KAT2B: variants seen among roughly 807,000 people sequenced by gnomAD.
KAT2B encodes lysine acetyltransferase 2B.
In KAT2B, 36 loss-of-function variants were observed where a neutral mutation model predicts 105.9. The observed-to-expected ratio is 0.34, with a 90% confidence interval of 0.26 to 0.45. The LOEUF (loss-of-function observed/expected upper bound fraction) is 0.45. Ranked by LOEUF, KAT2B falls within the 20% of genes least tolerant of loss-of-function variation. The pLI is 1.00. For synonymous variants in KAT2B, 397 were observed against 377.9 expected, an observed-to-expected ratio of 1.05 and a Z score of -0.59; for missense variants, 820 against 1,021.6, an observed-to-expected ratio of 0.80 and a Z score of 2.69.
chr3:20,051,694 G>GCAAAGATTACTCTACAGCTCCA (rs1697918744), intron 1 of KAT2B, among the ~76,000 whole-genome samples: 1 of 152,186 alleles, frequency 6.6e-6, no homozygotes, highest in Admixed American at 6.5e-5. Flanking sequence ...ACAGTGAGAA[G>GCAAAGATTACTCTACAGCTCCA]CAAAGATTAC....
intron 6 of KAT2B, among the ~76,000 whole-genome samples, chr3:20,113,937 G>A (rs567369235): frequency 3.2e-5 from 3 of 93,056 alleles, no homozygotes; most frequent in South Asian, 8.3e-4. Flanking sequence ...TTGGTTCAGG[G>A]AAAAAATGAA....
At chr3:20,048,734 C>T (rs1410579134) in intron 1 of KAT2B, among the ~76,000 whole-genome samples, 1 of 152,226 alleles carries the variant, frequency 6.6e-6, no homozygotes, top group Non-Finnish European at 1.5e-5. Context: ...GTTTCCTACT[C>T]TTGCATGCTG....
chr3:20,145,198 A>G (rs1699764079), intron 13 of KAT2B, among the ~76,000 whole-genome samples: 1 of 152,236 alleles, frequency 6.6e-6, no homozygotes, highest in South Asian at 2.1e-4. Context: ...ATAATGGGTT[A>G]AATGAAATAC....
chr3:20,050,291 TA>T (rs1436432306), intron 1 of KAT2B, among the ~76,000 whole-genome samples: 1 of 151,966 alleles, frequency 6.6e-6, no homozygotes, highest in Non-Finnish European at 1.5e-5. Flanking sequence ...AAGGAGTCAT[TA>T]AAAAAAACTT....
chr3:20,131,931 G>A (rs574312292), intron 11 of KAT2B, among the ~76,000 whole-genome samples: 1 of 152,302 alleles, frequency 6.6e-6, no homozygotes, highest in African/African-American at 2.4e-5. Flanking sequence ...TTTAAAATCT[G>A]TATATGGTCA....
intron 1 of KAT2B, among the ~76,000 whole-genome samples, chr3:20,052,739 G>C (rs1404464573): frequency 6.6e-6 from 1 of 152,032 alleles, no homozygotes; most frequent in Middle Eastern, 3.2e-3. Context: ...AGGCTGAGGT[G>C]GTCACATCAC....
chr3:20,126,011 C>G lies in KAT2B; in HGVS notation c.1520C>G (p.Pro507Arg), dbSNP rs1699396752. The G allele has an allele frequency of 6.2e-7, 1 of 1,613,952 alleles. No individual in the cohort carries two copies. The highest frequency in any genetic ancestry group is 1.1e-5 in the South Asian group (1 of 91,080). Residue 507 changes from proline (P) to arginine (R), a missense_variant, in exon 10 of 18, where the codon CCA becomes CGA. By Grantham distance (103) the Pro-to-Arg change is moderately radical. Transcript: ENST00000263754. ...HVVGNSLNQK[P>R]NKKILMWLVG... Reference sequence around the variant, plus strand: ...GTTGGCAATTCCCTCAACCAGAAACCAAACAAGAAGATCCTGATGTGGCTG... The same window carrying G: ...GTTGGCAATTCCCTCAACCAGAAACGAAACAAGAAGATCCTGATGTGGCTG...
At chr3:20,117,782 G>C (rs79050286) in intron 7 of KAT2B, among the ~76,000 whole-genome samples, 2,105 of 152,258 alleles carry the variant, frequency 0.014, 44 homozygotes, top group African/African-American at 0.047. Context: ...TATTGAGAAT[G>C]TCTGTACCCC....
chr3:20,052,801 C>G (rs1254349577), intron 1 of KAT2B, among the ~76,000 whole-genome samples: 1 of 152,030 alleles, frequency 6.6e-6, no homozygotes, highest in Non-Finnish European at 1.5e-5. Context: ...AACCCCATGT[C>G]TACTAAAAAA....
chr3:20,042,037 G>A (rs1471822074), intron 1 of KAT2B, among the ~76,000 whole-genome samples: 2 of 152,134 alleles, frequency 1.3e-5, no homozygotes, highest in Non-Finnish European at 1.5e-5. Context: ...AGTGAATGTA[G>A]GATCTAGCCC....
chr3:20,127,322 G>C, intron 10 of KAT2B, 101 bp from the exon 11 acceptor site: 1 of 1,034,074 alleles, frequency 9.7e-7, no homozygotes, highest in Non-Finnish European at 1.5e-6. Context: ...TAGAAACTTA[G>C]GACATGTCCC....
intron 4 of KAT2B, 32 bp downstream of exon 4, chr3:20,099,986 G>T (rs778277168): frequency 9.0e-7 from 1 of 1,108,756 alleles, no homozygotes; most frequent in South Asian, 1.3e-5. Flanking sequence ...TCTTTTTATT[G>T]GCTCAAGGCT....
intron 1 of KAT2B, among the ~76,000 whole-genome samples, chr3:20,059,642 T>C (rs958425520): frequency 1.3e-5 from 2 of 151,714 alleles, no homozygotes; most frequent in African/African-American, 4.8e-5. Flanking sequence ...GAGGTGGAGC[T>C]TGCGGTGAGC....
chr3:20,052,110 T>G (rs760091740), intron 1 of KAT2B, among the ~76,000 whole-genome samples: 1 of 152,354 alleles, frequency 6.6e-6, no homozygotes, highest in South Asian at 2.1e-4. Context: ...TTCTCTGCCA[T>G]GTATCTCTGT....
At chr3:20,100,565 T>G (rs1424872788) in intron 4 of KAT2B, among the ~76,000 whole-genome samples, 3 of 152,188 alleles carry the variant, frequency 2.0e-5, no homozygotes, top group African/African-American at 7.2e-5. Flanking sequence ...GGACTGAATT[T>G]TTTGATGAGA....
rs1255909480 is a variant in KAT2B at position 20,114,969 on chromosome 3, C to A, written c.1131C>A (p.Ser377Arg). 2 of 1,609,914 alleles carry A rather than the reference C, an allele frequency of 1.2e-6. No homozygotes were observed. Among genetic ancestry groups the A allele is most frequent in the South Asian group, 2.2e-5 (2 of 90,958 alleles). The change falls in exon 7 of 18, where the codon AGC becomes AGA. Residue 377 changes from serine to arginine, a missense_variant. By Grantham distance (110) the Ser-to-Arg change is moderately radical. Coordinates refer to ENST00000263754, the MANE Select transcript of KAT2B (RefSeq NM_003884.5). ...TTCTCTCAGCCTCTTCCAGAACCAG[C>A]CAGCTAGGCATCCAAACAGGTAAGT... ...QDFLSASSRT[S>R]QLGIQTVINP...
chr3:20,040,555 C>T lies in KAT2B; in HGVS notation c.78C>T (p.Pro26=), dbSNP rs1697693781. Residue 26 remains proline (P), a synonymous_variant, in exon 1 of 18, where the codon CCC becomes CCT. Transcript: ENST00000263754. The part of the protein sequence containing the change: ...AGAGAGPGAL[P]PQPAALPPAP... ...CAGGGGCCGGGCCCGGGGCGCTGCC[C>T]CCGCAGCCTGCGGCGCTTCCGCCCG... The T allele has an allele frequency of 2.9e-6, 3 of 1,047,572 alleles. No homozygotes were observed. The highest frequency in any genetic ancestry group is 4.2e-4 in the Middle Eastern group (1 of 2,368). The allele number at this position is 1,047,572 out of a possible 1,614,324, so 64.9% of individuals were successfully genotyped here.
intron 1 of KAT2B, among the ~76,000 whole-genome samples, chr3:20,045,676 C>T (rs12493354): frequency 0.16 from 23,830 of 152,100 alleles, 2,015 homozygotes; most frequent in Non-Finnish European, 0.19. Flanking sequence ...TATATTAATA[C>T]GTAAGAGGAG....
intron 2 of KAT2B, among the ~76,000 whole-genome samples, chr3:20,087,978 G>T (rs937149972): frequency 2.6e-5 from 4 of 151,880 alleles, no homozygotes; most frequent in Non-Finnish European, 5.9e-5. Context: ...ACAGGGTCTT[G>T]CCATCTTACC....
Sources: gnomAD v4.1 joint callset for allele counts (sites outside exome capture counted in the v4.1 genomes callset) on GRCh38, gnomAD v4.1.1 for gene constraint, MANE v1.5 for transcripts, NCBI Gene and HGNC (gene_info 2026-07-23, HGNC 2026-07-21) for gene names.